SLCO2A1: variants seen among roughly 807,000 people sequenced by gnomAD.
SLCO2A1 encodes solute carrier organic anion transporter family member 2A1.
A neutral mutation model predicts 71.7 loss-of-function variants in SLCO2A1; 60 were observed. The ratio of observed to expected loss-of-function variants is 0.84; its 90% CI spans 0.68 to 1.04. SLCO2A1 has a LOEUF of 1.04. Ranked by LOEUF, SLCO2A1 falls within the 50% of genes least tolerant of loss-of-function variation. The probability of loss-of-function intolerance (pLI) is 0.00; values close to 1 mark genes in which losing one functional copy is unlikely to be tolerated. For synonymous variants in SLCO2A1, 308 were observed against 326.7 expected (o/e 0.94, Z 0.62); for missense variants, 745 against 813.4 (o/e 0.92, Z 1.02).
intron 1 of SLCO2A1, among the ~76,000 whole-genome samples, chr3:134,015,371 T>G (rs1935426518): frequency 7.4e-6 from 1 of 135,134 alleles, no homozygotes; most frequent in Admixed American, 9.1e-5. Context: ...CTGACTTAAA[T>G]GCAGAATCTA....
intron 3 of SLCO2A1, among the ~76,000 whole-genome samples, chr3:133,959,582 T>C (rs1189059164): frequency 3.9e-5 from 6 of 152,104 alleles, no homozygotes; most frequent in Admixed American, 3.9e-4. Context: ...CCCAATATTT[T>C]GGGAGGCCAA....
chr3:134,024,073 C>T (rs1490469508), intron 1 of SLCO2A1, among the ~76,000 whole-genome samples: 2 of 152,190 alleles, frequency 1.3e-5, no homozygotes, highest in Non-Finnish European at 2.9e-5. Flanking sequence ...TAAGAATTTT[C>T]AAGAGCTTAT....
chr3:133,938,226 A>G (rs1436958127), intron 12 of SLCO2A1, among the ~76,000 whole-genome samples: 1 of 152,210 alleles, frequency 6.6e-6, no homozygotes, highest in Non-Finnish European at 1.5e-5. Flanking sequence ...TTAGGAATGA[A>G]TGCCATAGAT....
chr3:134,025,766 T>C (rs1243249425), intron 1 of SLCO2A1, among the ~76,000 whole-genome samples: 1 of 152,144 alleles, frequency 6.6e-6, no homozygotes, highest in Non-Finnish European at 1.5e-5. Context: ...CCAATCCCCT[T>C]GATCCTCGCT....
At position 133,933,749 on chromosome 3, in the gene SLCO2A1, C is replaced by T. The variant is rs1212186521; in HGVS notation, c.*964G>A. 1 of 152,284 alleles carries T rather than the reference C, an allele frequency of 6.6e-6. No individual in the cohort carries two copies. The highest frequency in any genetic ancestry group is 1.5e-5 in the Non-Finnish European group (1 of 68,080). The allele number at this position is 152,284 out of a possible 1,614,324, so 9.4% of individuals were successfully genotyped here. A position where few individuals can be genotyped will look rare whatever the true frequency, so the allele number is the denominator to read the frequency against. On this transcript the variant is annotated 3_prime_UTR_variant, in exon 14 of 14. Coordinates refer to ENST00000310926, the MANE Select transcript of SLCO2A1 (RefSeq NM_005630.3). ...ACATCTCTTCTGCCTCTCTACTCCTCGGAATACGGGCTGAAGTCCAGACAG... is the reference window on the plus strand; with the variant it reads ...ACATCTCTTCTGCCTCTCTACTCCTTGGAATACGGGCTGAAGTCCAGACAG...
chr3:133,967,730 C>A (rs1171388499), intron 3 of SLCO2A1, among the ~76,000 whole-genome samples: 1 of 151,702 alleles, frequency 6.6e-6, no homozygotes, highest in Non-Finnish European at 1.5e-5. Context: ...ATACATACAC[C>A]CTTTCTCCTC....
At chr3:134,025,792 G>T (rs951408540) in intron 1 of SLCO2A1, among the ~76,000 whole-genome samples, 2 of 152,142 alleles carry the variant, frequency 1.3e-5, no homozygotes, top group African/African-American at 4.8e-5. Context: ...AAAGAGGAGC[G>T]TGTGACCTTA....
chr3:134,025,799 C>T (rs1334251947), intron 1 of SLCO2A1, among the ~76,000 whole-genome samples: 1 of 152,134 alleles, frequency 6.6e-6, no homozygotes, highest in African/African-American at 2.4e-5. Flanking sequence ...AGCGTGTGAC[C>T]TTAGGAATCA....
At chr3:134,025,683 G>A (rs1381800830) in intron 1 of SLCO2A1, among the ~76,000 whole-genome samples, 2 of 152,086 alleles carry the variant, frequency 1.3e-5, no homozygotes, top group Non-Finnish European at 2.9e-5. Context: ...AAAAGATCCA[G>A]TCCACCTTCA....
chr3:133,935,629 G>T, intron 13 of SLCO2A1, 145 bp downstream of exon 13: 1 of 909,360 alleles, frequency 1.1e-6, no homozygotes, highest in Non-Finnish European at 1.5e-6. Context: ...CCTGCTCCCT[G>T]TCCATGGCAG....
At chr3:133,974,437 A>T (rs1229101002) in intron 2 of SLCO2A1, among the ~76,000 whole-genome samples, 1 of 152,190 alleles carries the variant, frequency 6.6e-6, no homozygotes, top group Non-Finnish European at 1.5e-5. Context: ...GTCTTGCCTG[A>T]CTCTAAAACA....
chr3:134,012,176 G>C (rs1935359490), intron 1 of SLCO2A1, among the ~76,000 whole-genome samples: 1 of 152,340 alleles, frequency 6.6e-6, no homozygotes, highest in Non-Finnish European at 1.5e-5. Flanking sequence ...GGCTTTCAGA[G>C]GAGGGTGGCA....
chr3:133,963,774 C>T (rs1337821393), intron 3 of SLCO2A1, among the ~76,000 whole-genome samples: 1 of 152,204 alleles, frequency 6.6e-6, no homozygotes, highest in African/African-American at 2.4e-5. Flanking sequence ...CTTAAACTAT[C>T]AGCACGACTC....
At chr3:134,024,638 G>T (rs890393537) in intron 1 of SLCO2A1, among the ~76,000 whole-genome samples, 1 of 152,160 alleles carries the variant, frequency 6.6e-6, no homozygotes, top group Admixed American at 6.5e-5. Context: ...CCAAAGCCTG[G>T]CCCCCAGGTT....
At chr3:134,028,381 A>G (rs1935739717) in intron 1 of SLCO2A1, among the ~76,000 whole-genome samples, 1 of 152,190 alleles carries the variant, frequency 6.6e-6, no homozygotes, top group Non-Finnish European at 1.5e-5. Flanking sequence ...TGCGCACAAC[A>G]TTTCCATCCA....
At position 133,973,640 on chromosome 3, in the gene SLCO2A1, G is replaced by A. The variant is rs982866617; in HGVS notation, c.397+23C>T. The A allele has an allele frequency of 2.5e-6, 4 of 1,611,000 alleles. No individual in the cohort carries two copies. In the African/African-American group the frequency reaches 4.0e-5, roughly 16 times the overall value. On this transcript the variant is annotated intron_variant, in intron 3 of 13. Transcript: ENST00000310926. ...TGTTCACCCATTCCTTACCCCTTGA[G>A]GCAGGGGTTGGAAGCCACTCACCAG...
intron 1 of SLCO2A1, among the ~76,000 whole-genome samples, chr3:133,981,967 T>A: frequency 1.0e-5 from 1 of 95,730 alleles, no homozygotes; most frequent in African/African-American, 4.6e-5. Context: ...AGAGCGAGAC[T>A]CCGTCTCAAA....
At chr3:133,983,006 G>T (rs973093408) in intron 1 of SLCO2A1, among the ~76,000 whole-genome samples, 49 of 152,208 alleles carry the variant, frequency 3.2e-4, no homozygotes, top group African/African-American at 1.1e-3. Context: ...ATCATATTTT[G>T]CAAAGATGGC....
At chr3:134,002,375 G>A (rs953468358) in intron 1 of SLCO2A1, among the ~76,000 whole-genome samples, 6 of 152,180 alleles carry the variant, frequency 3.9e-5, no homozygotes, top group African/African-American at 7.2e-5. Flanking sequence ...GAAAGCTCTG[G>A]GAGGCCTTCC....
Sources: gnomAD v4.1 joint callset for allele counts (sites outside exome capture counted in the v4.1 genomes callset) on GRCh38, gnomAD v4.1.1 for gene constraint, MANE v1.5 for transcripts, NCBI Gene and HGNC (gene_info 2026-07-23, HGNC 2026-07-21) for gene names.